The following PITPNC1 variants were observed in gnomAD, a reference collection of about 807,000 sequenced individuals.
PITPNC1 encodes cytoplasmic phosphatidylinositol transfer protein 1.
Under a neutral mutation model 44.7 loss-of-function variants are expected in PITPNC1, and 18 were observed. The observed-to-expected ratio is 0.40, with a 90% CI of 0.28 to 0.60. The LOEUF is 0.60. Ranked by LOEUF, PITPNC1 falls within the 20% of genes least tolerant of loss-of-function variation. The pLI is 0.39. For missense variants in PITPNC1, 290 were observed against 418.4 expected (o/e 0.69, Z 2.68); for synonymous variants, 141 against 149.6 (o/e 0.94, Z 0.42).
chr17:67,377,868 C>T lies in PITPNC1; in HGVS notation c.-287C>T. On this transcript the variant is annotated 5_prime_UTR_variant, in exon 1 of 9. Coordinates refer to ENST00000581322, the MANE Select transcript of PITPNC1 (RefSeq NM_012417.4). ...CCTGGGCAGCCGAGCAGAGTCGTCC[C>T]CAGCGGGTCTCCCTCCCTGCCTCCC... 2 of 372,084 alleles carry T rather than the reference C, an allele frequency of 5.4e-6. No homozygotes were observed. The highest frequency in any genetic ancestry group is 9.5e-6 in the Non-Finnish European group (2 of 209,584). The allele number at this position is 372,084 out of a possible 1,614,324, so 23.0% of individuals were successfully genotyped here. A position where few individuals can be genotyped will look rare whatever the true frequency, so the allele number is the denominator to read the frequency against.
intron 1 of PITPNC1, among the ~76,000 whole-genome samples, chr17:67,440,747 A>G (rs2039001574): frequency 6.6e-6 from 1 of 151,362 alleles, no homozygotes; most frequent in African/African-American, 2.4e-5. Context: ...GGGTCTTGCC[A>G]TGTTACCCAG....
chr17:67,441,286 C>A (rs149116659), intron 1 of PITPNC1, among the ~76,000 whole-genome samples: 1 of 150,470 alleles, frequency 6.6e-6, no homozygotes, highest in Non-Finnish European at 1.5e-5. Context: ...AGCCCCCCCC[C>A]GCCACCCATC....
At chr17:67,531,829 C>T (rs544692367) in intron 1 of PITPNC1, among the ~76,000 whole-genome samples, 14 of 152,194 alleles carry the variant, frequency 9.2e-5, no homozygotes, top group African/African-American at 2.4e-5. Flanking sequence ...AGGGTCGCAT[C>T]GTCCTGCGTC....
intron 1 of PITPNC1, among the ~76,000 whole-genome samples, chr17:67,469,415 T>TCTGCAGCAAG (rs1287220974): frequency 6.6e-6 from 1 of 152,134 alleles, no homozygotes; most frequent in Non-Finnish European, 1.5e-5. Flanking sequence ...AAATGCAGAA[T>TCTGCAGCAAG]CTGCAGCCCC....
intron 1 of PITPNC1, among the ~76,000 whole-genome samples, chr17:67,532,557 G>A (rs926694551): frequency 4.6e-5 from 7 of 152,128 alleles, no homozygotes; most frequent in Admixed American, 2.6e-4. Context: ...CAGACTGCCA[G>A]CCACCCGGCC....
intron 6 of PITPNC1, among the ~76,000 whole-genome samples, chr17:67,646,289 G>T (rs1315738269): frequency 6.6e-6 from 1 of 152,182 alleles, no homozygotes; most frequent in Non-Finnish European, 1.5e-5. Context: ...CTGACAGAGC[G>T]ATTGTCTGCT....
At chr17:67,512,420 G>C (rs901609961) in intron 1 of PITPNC1, among the ~76,000 whole-genome samples, 2 of 149,068 alleles carry the variant, frequency 1.3e-5, no homozygotes, top group African/African-American at 5.0e-5. Flanking sequence ...AGAATCGCTT[G>C]AACCTGGGAG....
At chr17:67,566,991 T>G (rs2040988456) in intron 4 of PITPNC1, among the ~76,000 whole-genome samples, 1 of 152,224 alleles carries the variant, frequency 6.6e-6, no homozygotes, top group Non-Finnish European at 1.5e-5. Context: ...AAAATGGGGA[T>G]GTATGAGGGT....
intron 2 of PITPNC1, among the ~76,000 whole-genome samples, chr17:67,546,339 G>A (rs2040683608): frequency 6.6e-6 from 1 of 151,356 alleles, no homozygotes; most frequent in Admixed American, 6.6e-5. Context: ...AAGTGTTATG[G>A]AAAATAATAG....
In PITPNC1 at chr17:67,529,030, G is replaced by A. The variant is rs563163454; in HGVS notation, c.49-3772G>A. ...GAGCCCTTGACCATCTCGGTGTCTG[G>A]GCTCGAGTGTCCCGCCACCCCCAGC... On this transcript the variant is annotated intron_variant, in intron 1 of 8. Transcript: ENST00000581322. 2.0e-5 allele frequency among the ~76,000 whole-genome samples: 3 copies of A among 152,126 alleles called. No homozygotes were observed. The South Asian group carries it at 6.2e-4, about 32-fold the overall frequency.
At chr17:67,590,539 A>C (rs1685817923) in intron 5 of PITPNC1, among the ~76,000 whole-genome samples, 1 of 152,256 alleles carries the variant, frequency 6.6e-6, no homozygotes, top group Admixed American at 6.5e-5. Context: ...ATAGTAATTG[A>C]TTTAGTAGTA....
intron 2 of PITPNC1, among the ~76,000 whole-genome samples, chr17:67,542,727 G>C (rs568908848): frequency 3.3e-4 from 50 of 152,318 alleles, no homozygotes; most frequent in African/African-American, 1.2e-3. Flanking sequence ...AGCCGGCATA[G>C]TGAGTGGATT....
At chr17:67,672,085 C>T (rs1347998559) in intron 7 of PITPNC1, among the ~76,000 whole-genome samples, 10 of 151,916 alleles carry the variant, frequency 6.6e-5, no homozygotes, top group Non-Finnish European at 1.5e-4. Flanking sequence ...AGGTGCATGC[C>T]ACCACACCAG....
intron 1 of PITPNC1, among the ~76,000 whole-genome samples, chr17:67,395,939 C>T (rs1369344878): frequency 6.6e-6 from 1 of 152,136 alleles, no homozygotes; most frequent in African/African-American, 2.4e-5. Context: ...GTTTTTGCTG[C>T]TCATGAAGAA....
chr17:67,425,698 A>T (rs2038754485), intron 1 of PITPNC1, among the ~76,000 whole-genome samples: 2 of 119,758 alleles, frequency 1.7e-5, no homozygotes, highest in African/African-American at 6.8e-5. Context: ...ATTAAAAAAA[A>T]ATTTTTTTTT....
intron 4 of PITPNC1, among the ~76,000 whole-genome samples, chr17:67,577,868 C>T (rs567248619): frequency 2.0e-3 from 299 of 152,176 alleles, no homozygotes; most frequent in Middle Eastern, 3.4e-3. Flanking sequence ...CTGGAACTGG[C>T]GTGATTTAGG....
Position 67,553,627 on chromosome 17 carries a change from AT to A in PITPNC1, c.294+13del. 8.4e-7 allele frequency: 1 copy of A among 1,191,426 alleles called. No individual in the cohort carries two copies. Among genetic ancestry groups the A allele is most frequent in the Non-Finnish European group, 1.2e-6 (1 of 846,942 alleles). The allele number at this position is 1,191,426 out of a possible 1,614,324, so 73.8% of individuals were successfully genotyped here. A position where few individuals can be genotyped will look rare whatever the true frequency, so the allele number is the denominator to read the frequency against. On this transcript the variant is annotated intron_variant, in intron 4 of 8. Coordinates refer to ENST00000581322, the MANE Select transcript of PITPNC1 (RefSeq NM_012417.4). ...GGAAACAGAATACACAGTAAGTTCC[AT>A]TTAATTATTTTTAAACATTCTGTCT...
intron 8 of PITPNC1, among the ~76,000 whole-genome samples, chr17:67,682,644 G>C (rs1033200528): frequency 2.6e-5 from 4 of 152,220 alleles, no homozygotes; most frequent in Non-Finnish European, 5.9e-5. Flanking sequence ...TCTGATAGCA[G>C]AGTCTCAAAG....
chr17:67,552,251 T>A lies in PITPNC1; in HGVS notation c.198-6T>A, dbSNP rs2040776227. ...CCAATTGTCTTTTTTCTTTCTTTCC[T>A]CTTAGCAAACTGCCTAGTTGGGCTA... On this transcript the variant is annotated splice_region_variant and splice_polypyrimidine_tract_variant and intron_variant, in intron 2 of 8. Transcript: ENST00000581322. 6.6e-7 allele frequency: 1 copy of A among 1,517,076 alleles called. No individual in the cohort carries two copies. The allele number at this position is 1,517,076 out of a possible 1,614,324, so 94.0% of individuals were successfully genotyped here.
Sources: allele counts gnomAD v4.1 joint callset (sites outside exome capture counted in the v4.1 genomes callset), GRCh38; gene constraint gnomAD v4.1.1; transcripts MANE v1.5; gene names NCBI Gene and HGNC (gene_info 2026-07-23, HGNC 2026-07-21).